The following ZMYND11 variants were observed in gnomAD, a reference collection of about 807,000 sequenced individuals.
ZMYND11 encodes zinc finger MYND domain-containing protein 11.
Under a neutral mutation model 84.9 loss-of-function variants are expected in ZMYND11, and 9 were observed. The observed-to-expected ratio is 0.11, with a 90% CI of 0.06 to 0.18. ZMYND11 has a LOEUF of 0.18. Ranked by LOEUF, ZMYND11 falls within the 10% of genes least tolerant of loss-of-function variation. The pLI is 1.00. For synonymous variants in ZMYND11, 250 were observed against 244.1 expected (o/e 1.02, Z -0.23); for missense variants, 409 against 761.0 (o/e 0.54, Z 5.44).
chr10:157,211 A>G (rs1446248436), intron 1 of ZMYND11, among the ~76,000 whole-genome samples: 4 of 152,034 alleles, frequency 2.6e-5, no homozygotes, highest in African/African-American at 4.8e-5. Context: ...TTTAATTTTT[A>G]TTTTTGGAGA....
chr10:179,959 G>T (rs1847486536), intron 1 of ZMYND11, 35 bp from the exon 2 acceptor site: 2 of 1,321,842 alleles, frequency 1.5e-6, no homozygotes, highest in African/African-American at 2.9e-5. Flanking sequence ...TTTGTAATCT[G>T]TTTTTTTCCC....
At chr10:138,746 T>C (rs1323196063) in intron 1 of ZMYND11, among the ~76,000 whole-genome samples, 1 of 141,656 alleles carries the variant, frequency 7.1e-6, no homozygotes, top group Non-Finnish European at 1.6e-5. Flanking sequence ...AAAGAGGATG[T>C]ATCTTGGAAA....
chr10:237,607 G>T lies in ZMYND11; in HGVS notation c.539G>T (p.Gly180Val), dbSNP rs1332225863. ...TAGGCTATAGATCTTAATAAAAAGGGGAAGGACAATAAACACCCGATGTAC... is the reference window on the plus strand; with the variant it reads ...TAGGCTATAGATCTTAATAAAAAGGTGAAGGACAATAAACACCCGATGTAC... ...KERAIDLNKK[G>V]KDNKHPMYRR... The change falls in exon 6 of 15, where the codon GGG (glycine) becomes GTG (valine). Residue 180 changes from glycine (G) to valine (V), a missense_variant. Around this residue, in one of 7 missense-constraint regions of ZMYND11, gnomAD observed 53 missense variants for 71.1 expected, o/e 0.75. Transcript: ENST00000381604. The T allele has an allele frequency of 1.2e-6, 2 of 1,612,992 alleles. No homozygotes were observed. Among genetic ancestry groups the T allele is most frequent in the African/African-American group, 2.7e-5 (2 of 74,976 alleles).
chr10:158,995 T>TTG (rs1842367529), intron 1 of ZMYND11, among the ~76,000 whole-genome samples: 1 of 146,622 alleles, frequency 6.8e-6, no homozygotes, highest in Admixed American at 6.8e-5. Flanking sequence ...TTTTTTGTTT[T>TTG]TTTTTTTTTT....
chr10:154,832 T>C (rs1193331453), intron 1 of ZMYND11: 4 of 152,214 alleles, frequency 2.6e-5, no homozygotes, highest in Middle Eastern at 3.2e-3. Context: ...AAATGAAATA[T>C]AAGAAAATTT....
intron 1 of ZMYND11, among the ~76,000 whole-genome samples, chr10:163,598 A>C (rs1843371799): frequency 6.6e-6 from 1 of 152,088 alleles, no homozygotes; most frequent in Non-Finnish European, 1.5e-5. Flanking sequence ...TTCTATTTCT[A>C]ACTCTTTCAT....
chr10:182,736 C>T (rs1029673919), intron 2 of ZMYND11, among the ~76,000 whole-genome samples: 1 of 152,220 alleles, frequency 6.6e-6, no homozygotes, highest in African/African-American at 2.4e-5. Flanking sequence ...AGTGCCTTTG[C>T]TTCTTGGCTA....
intron 14 of ZMYND11, chr10:249,408 T>C (rs1952866474): frequency 2.7e-6 from 3 of 1,091,034 alleles, no homozygotes; most frequent in Non-Finnish European, 3.3e-6. Context: ...TGGCCCTGAC[T>C]TTTACCTGGT....
At chr10:202,353 TA>T (rs1217350226) in intron 2 of ZMYND11, among the ~76,000 whole-genome samples, 7 of 152,212 alleles carry the variant, frequency 4.6e-5, no homozygotes, top group African/African-American at 1.7e-4. Flanking sequence ...TATATATTTT[TA>T]AAGAATAGAA....
At chr10:249,473 A>G (rs1952885598) in intron 14 of ZMYND11, 1 of 984,600 alleles carries the variant, frequency 1.0e-6, no homozygotes, top group African/African-American at 1.8e-5. Context: ...TTATCACAAT[A>G]AATAGTTTCA....
At position 248,979 on chromosome 10, in the gene ZMYND11, G is replaced by A. The variant is rs772218678; in HGVS notation, c.1577G>A (p.Arg526Lys). ...GCCAACATGCAGGGTGAGATGGACA[G>A]AAAATGTAAGCAAGTAAAGGAAAAG... ...AVANMQGEMD[R>K]KCKQVKEKCK... The change falls in exon 14 of 15, where the codon AGA becomes AAA. Residue 526 changes from arginine (R) to lysine (K), a missense_variant. Arg to Lys is a conservative substitution (Grantham distance 26). Around this residue, in one of 7 missense-constraint regions of ZMYND11, gnomAD observed 141 missense variants for 173.8 expected, o/e 0.81. Coordinates refer to ENST00000381604, the MANE Select transcript of ZMYND11 (RefSeq NM_001370100.5). 3.7e-6 allele frequency: 6 copies of A among 1,614,076 alleles called. No homozygotes were observed. The highest frequency in any genetic ancestry group is 5.1e-6 in the Non-Finnish European group (6 of 1,180,032).
intron 9 of ZMYND11, 68 bp from the exon 10 acceptor site, chr10:241,953 A>T: frequency 6.5e-7 from 1 of 1,543,186 alleles, no homozygotes; most frequent in Non-Finnish European, 8.9e-7. Flanking sequence ...GACTAGTTTA[A>T]TATTAATGGT....
intron 1 of ZMYND11, among the ~76,000 whole-genome samples, chr10:145,256 A>G (rs1015444490): frequency 2.0e-5 from 3 of 151,168 alleles, no homozygotes; most frequent in African/African-American, 7.3e-5. Context: ...GTATATATAT[A>G]TATGTATATA....
At chr10:167,898 T>C (rs1352403090) in intron 1 of ZMYND11, among the ~76,000 whole-genome samples, 4 of 152,184 alleles carry the variant, frequency 2.6e-5, no homozygotes, top group Non-Finnish European at 5.9e-5. Context: ...GCATTTATAA[T>C]GTGCAATTCT....
chr10:240,512 C>T (rs1203644703), intron 8 of ZMYND11, among the ~76,000 whole-genome samples: 1 of 151,676 alleles, frequency 6.6e-6, no homozygotes, highest in Non-Finnish European at 1.5e-5. Context: ...CAAAACAAAA[C>T]AAAAAAAGGT....
intron 4 of ZMYND11, among the ~76,000 whole-genome samples, chr10:222,509 T>G (rs1314688837): frequency 2.0e-5 from 3 of 152,180 alleles, no homozygotes; most frequent in African/African-American, 7.2e-5. Context: ...GTAGACCTCC[T>G]CTTTGAGGTC....
chr10:162,267 ATAAT>A (rs1350706618), intron 1 of ZMYND11, among the ~76,000 whole-genome samples: 2 of 152,192 alleles, frequency 1.3e-5, no homozygotes, highest in African/African-American at 4.8e-5. Context: ...GTACCCCAAA[ATAAT>A]TAGTAACAGC....
intron 1 of ZMYND11, among the ~76,000 whole-genome samples, chr10:171,533 A>C (rs1588631203): frequency 6.6e-6 from 1 of 152,316 alleles, no homozygotes; most frequent in South Asian, 2.1e-4. Flanking sequence ...ATATATTGAG[A>C]TTAAACACAC....
chr10:139,580 A>G (rs1188369151), intron 1 of ZMYND11, among the ~76,000 whole-genome samples: 2 of 152,148 alleles, frequency 1.3e-5, no homozygotes, highest in African/African-American at 4.8e-5. Flanking sequence ...TTTAGTAGCT[A>G]CAATTTTATA....
Sources: gnomAD v4.1 joint callset for allele counts (sites outside exome capture counted in the v4.1 genomes callset) on GRCh38, gnomAD v4.1.1 for gene constraint, gnomAD v4.1.1 regional missense constraint, MANE v1.5 for transcripts, NCBI Gene and HGNC (gene_info 2026-07-23, HGNC 2026-07-21) for gene names.